The following PTGR2 variants were observed in gnomAD, a reference collection of about 807,000 sequenced individuals.
PTGR2 encodes the protein 15-oxoprostaglandin 13-reductase.
A neutral mutation model predicts 43.4 loss-of-function variants in PTGR2; 32 were observed. The ratio of observed to expected loss-of-function variants is 0.74; its 90% CI spans 0.56 to 0.99. The LOEUF is 0.99. Ranked by LOEUF, PTGR2 falls within the 50% of genes least tolerant of loss-of-function variation. The probability of loss-of-function intolerance (pLI) is 0.00; values close to 1 mark genes in which losing one functional copy is unlikely to be tolerated. For synonymous variants in PTGR2, 106 were observed against 139.2 expected, an observed-to-expected ratio of 0.76 and a Z score of 1.68; for missense variants, 373 against 420.0, an observed-to-expected ratio of 0.89 and a Z score of 0.98.
rs147251213 is a variant in PTGR2, at chr14:73,866,157, A to C, written c.156+5500A>C. 8.7e-3 allele frequency among the ~76,000 whole-genome samples: 1,324 copies of C among 151,432 alleles called. 21 individuals are homozygous for C. Among genetic ancestry groups the C allele is most frequent in the African/African-American group, 0.031 (1,285 of 41,210 alleles). ...GCTGGGACTACAGGCACCCACCACCACACCTGGCTAATATTTTGTATTTTT... is the reference window on the plus strand; with the variant it reads ...GCTGGGACTACAGGCACCCACCACCCCACCTGGCTAATATTTTGTATTTTT... On this transcript the variant is annotated intron_variant, in intron 3 of 9. Transcript: ENST00000555661.
chr14:73,870,035 A>T (rs1454831871), intron 3 of PTGR2, among the ~76,000 whole-genome samples: 2 of 151,874 alleles, frequency 1.3e-5, no homozygotes, highest in Admixed American at 6.6e-5. Flanking sequence ...TCAGAGAGAA[A>T]AAAAAAAAAG....
intron 3 of PTGR2, among the ~76,000 whole-genome samples, chr14:73,869,833 C>T (rs2054685165): frequency 6.6e-6 from 1 of 152,106 alleles, no homozygotes; most frequent in Admixed American, 6.6e-5. Context: ...TGAGACCAGC[C>T]TGGCCAACAT....
intron 2 of PTGR2, among the ~76,000 whole-genome samples, chr14:73,859,863 C>CT (rs2054446278): frequency 6.8e-6 from 1 of 146,380 alleles, no homozygotes; most frequent in South Asian, 2.2e-4. Flanking sequence ...TTACTTGTGC[C>CT]TGTTTTTTTT....
At chr14:73,857,292 G>T (rs1302459892) in intron 1 of PTGR2, among the ~76,000 whole-genome samples, 1 of 139,936 alleles carries the variant, frequency 7.1e-6, no homozygotes, top group African/African-American at 2.7e-5. Context: ...TTTCCATTTT[G>T]ATGAACGAAT....
chr14:73,866,917 C>T (rs562487245), intron 3 of PTGR2, among the ~76,000 whole-genome samples: 12 of 151,650 alleles, frequency 7.9e-5, no homozygotes, highest in Admixed American at 4.6e-4. Flanking sequence ...GGTGAAACCC[C>T]GTCTCTACTA....
chr14:73,885,203 C>A lies in PTGR2; in HGVS notation c.*1026C>A, dbSNP rs1051559847. 6.6e-6 allele frequency: 1 copy of A among 152,230 alleles called. No individual in the cohort carries two copies. Among genetic ancestry groups the A allele is most frequent in the Non-Finnish European group, 1.5e-5 (1 of 68,076 alleles). 9.4% of individuals were successfully genotyped at this position (152,230 alleles called of 1,614,324 possible). A position where few individuals can be genotyped will look rare whatever the true frequency, so the allele number is the denominator to read the frequency against. ...ACTCAGGAGGCTGAGGCTGGAGAAT[C>A]ATTTGAACCTGGGAGGGGGAGGTTG... On this transcript the variant is annotated 3_prime_UTR_variant, in exon 10 of 10. Transcript: ENST00000555661.
At chr14:73,863,977 G>A (rs2054549757) in intron 3 of PTGR2, among the ~76,000 whole-genome samples, 2 of 152,048 alleles carry the variant, frequency 1.3e-5, no homozygotes, top group Non-Finnish European at 2.9e-5. Context: ...GACAGCCCAA[G>A]CTGGTCTTGA....
At chr14:73,861,364 G>A (rs1310435931) in intron 3 of PTGR2, 1 of 152,200 alleles carries the variant, frequency 6.6e-6, no homozygotes, top group Non-Finnish European at 1.5e-5. Flanking sequence ...TCTCCCAGAG[G>A]TCATACAGTC....
chr14:73,861,960 C>G (rs1438391425), intron 3 of PTGR2, among the ~76,000 whole-genome samples: 1 of 151,588 alleles, frequency 6.6e-6, no homozygotes, highest in East Asian at 1.9e-4. Context: ...TCACTGCAAC[C>G]TCTGCCTCCT....
At chr14:73,877,193 T>TTATTTGACGATTA (rs2054885491) in intron 5 of PTGR2, 25 bp downstream of exon 5, 3 of 1,584,530 alleles carry the variant, frequency 1.9e-6, no homozygotes, top group East Asian at 2.2e-5. Flanking sequence ...AATTATTTGA[T>TTATTTGACGATTA]TTTCTGATTA....
intron 3 of PTGR2, among the ~76,000 whole-genome samples, chr14:73,873,676 C>A (rs1194715183): frequency 6.6e-6 from 1 of 152,022 alleles, no homozygotes; most frequent in Admixed American, 6.6e-5. Context: ...GTTGGCCAGG[C>A]TGTTCTTGAA....
At chr14:73,874,949 C>T (rs756719185) in intron 4 of PTGR2, among the ~76,000 whole-genome samples, 8 of 152,136 alleles carry the variant, frequency 5.3e-5, no homozygotes, top group Non-Finnish European at 1.0e-4. Context: ...ACCTCTGCCT[C>T]CTGGGTTCAA....
chr14:73,883,188 CTTTT>C (rs58234739), intron 9 of PTGR2, among the ~76,000 whole-genome samples: 8 of 58,152 alleles, frequency 1.4e-4, no homozygotes, highest in East Asian at 1.3e-3. Flanking sequence ...CCTCACCTCC[CTTTT>C]TTTTTTTTTT....
chr14:73,873,720 TC>T (rs879888817), intron 3 of PTGR2, among the ~76,000 whole-genome samples: 1 of 152,082 alleles, frequency 6.6e-6, no homozygotes, highest in Non-Finnish European at 1.5e-5. Context: ...CGCCTCAGCC[TC>T]CCAAAGTGCT....
chr14:73,881,614 G>C (rs1025847342), intron 8 of PTGR2, among the ~76,000 whole-genome samples: 1 of 151,974 alleles, frequency 6.6e-6, no homozygotes, highest in Non-Finnish European at 1.5e-5. Flanking sequence ...CTATGTGTTA[G>C]AAGCTGTGCT....
chr14:73,882,341 T>C, intron 8 of PTGR2, 58 bp from the exon 9 acceptor site: 2 of 1,060,184 alleles, frequency 1.9e-6, no homozygotes, highest in South Asian at 2.7e-5. Context: ...GTATGGAAAC[T>C]ATCATATAGA....
At chr14:73,864,983 C>T (rs1016866944) in intron 3 of PTGR2, among the ~76,000 whole-genome samples, 5 of 152,084 alleles carry the variant, frequency 3.3e-5, no homozygotes, top group African/African-American at 9.7e-5. Flanking sequence ...TCTATGTATG[C>T]GTATGAGGAA....
At chr14:73,880,034 T>A in intron 6 of PTGR2, 21 bp from the exon 7 acceptor site, 1 of 1,611,858 alleles carries the variant, frequency 6.2e-7, no homozygotes, top group Non-Finnish European at 8.5e-7. Context: ...GGATATTTTA[T>A]CATTATTTTT....
At chr14:73,875,362 T>C (rs1209477128) in intron 4 of PTGR2, among the ~76,000 whole-genome samples, 1 of 151,890 alleles carries the variant, frequency 6.6e-6, no homozygotes, top group Non-Finnish European at 1.5e-5. Flanking sequence ...TTTTTTTTTT[T>C]CAAGACAGAG....
Sources: allele counts gnomAD v4.1 joint callset (sites outside exome capture counted in the v4.1 genomes callset), GRCh38; gene constraint gnomAD v4.1.1; transcripts MANE v1.5; gene names NCBI Gene and HGNC (gene_info 2026-07-23, HGNC 2026-07-21).